The following MCPH1 variants were observed in gnomAD, a reference collection of about 807,000 sequenced individuals.
MCPH1 encodes microcephalin.
A neutral mutation model predicts 84.5 loss-of-function variants in MCPH1; 104 were observed. The observed-to-expected ratio is 1.23, with a 90% CI of 1.05 to 1.45. The LOEUF (loss-of-function observed/expected upper bound fraction) is 1.45, where lower values mean the gene tolerates loss of function less well. Ranked by LOEUF, MCPH1 falls within the 40% of genes most tolerant of loss-of-function variation. MCPH1 has a pLI of 0.00. For synonymous variants in MCPH1, 514 were observed against 366.8 expected, an observed-to-expected ratio of 1.40 and a Z score of -4.58; for missense variants, 1,498 against 1,005.7, an observed-to-expected ratio of 1.49 and a Z score of -6.62.
chr8:6,510,731 A>C (rs1814889515), intron 12 of MCPH1, among the ~76,000 whole-genome samples: 1 of 152,122 alleles, frequency 6.6e-6, no homozygotes, highest in African/African-American at 2.4e-5. Flanking sequence ...ACCTAAACAG[A>C]GATGTTTGTT....
Position 6,447,165 on chromosome 8 carries a change from A to G in MCPH1, c.1825+1618A>G, listed in dbSNP as rs1251892241. On this transcript the variant is annotated intron_variant, in intron 8 of 13. Coordinates refer to ENST00000344683, the MANE Select transcript of MCPH1 (RefSeq NM_024596.5). ...CTACATGTTGGCTAGCCTAAATCGAACCCTTTTATAGTAATAAAGATTCAT... is the reference window on the plus strand; with the variant it reads ...CTACATGTTGGCTAGCCTAAATCGAGCCCTTTTATAGTAATAAAGATTCAT... The G allele has an allele frequency of 3.0e-6, 3 of 985,206 alleles. No individual in the cohort carries two copies. In the East Asian group the frequency reaches 3.4e-4, roughly 112 times the overall value. The allele number at this position is 985,206 out of a possible 1,614,324, so 61.0% of individuals were successfully genotyped here. A position where few individuals can be genotyped will look rare whatever the true frequency, so the allele number is the denominator to read the frequency against.
At position 6,592,942 on chromosome 8, in the gene MCPH1, C is replaced by T. The variant is rs1418280783; in HGVS notation, c.2215-28512C>T. On this transcript the variant is annotated intron_variant, in intron 12 of 13. Coordinates refer to ENST00000344683, the MANE Select transcript of MCPH1 (RefSeq NM_024596.5). Reference sequence around the variant, plus strand: ...TTGTCCTCCCAAAGTGCTGGGATTACAGGCGTGAGCCACCGTGCCAGGCCG... The same window carrying T: ...TTGTCCTCCCAAAGTGCTGGGATTATAGGCGTGAGCCACCGTGCCAGGCCG... Among the ~76,000 whole-genome samples, 7 of 151,108 alleles carry T rather than the reference C, an allele frequency of 4.6e-5. No homozygotes were observed. The East Asian group carries it at 7.9e-4, about 17-fold the overall frequency.
chr8:6,555,816 C>T (rs1486113346), intron 12 of MCPH1, among the ~76,000 whole-genome samples: 2 of 152,160 alleles, frequency 1.3e-5, no homozygotes, highest in African/African-American at 4.8e-5. Flanking sequence ...CCAATTATAC[C>T]AATTGCACCA....
At chr8:6,446,710 T>C in intron 8 of MCPH1, 3 of 985,346 alleles carry the variant, frequency 3.0e-6, no homozygotes, top group Non-Finnish European at 3.6e-6. Flanking sequence ...TCTCCATCTT[T>C]CCAGTTTTCA....
intron 12 of MCPH1, among the ~76,000 whole-genome samples, chr8:6,571,349 A>G (rs755102700): frequency 1.5e-4 from 23 of 152,212 alleles, no homozygotes; most frequent in South Asian, 1.2e-3. Flanking sequence ...GACAAACACC[A>G]TATTTCATTA....
chr8:6,562,768 G>C, intron 12 of MCPH1: 1 of 1,613,930 alleles, frequency 6.2e-7, no homozygotes, highest in Non-Finnish European at 8.5e-7. Context: ...GGGGCTGGAG[G>C]AAGAGCGGCA....
At chr8:6,629,496 A>G (rs1797000289) in intron 13 of MCPH1, among the ~76,000 whole-genome samples, 1 of 152,150 alleles carries the variant, frequency 6.6e-6, no homozygotes, top group Non-Finnish European at 1.5e-5. Flanking sequence ...AAGACAAAGA[A>G]ACACCAAAGA....
intron 4 of MCPH1, among the ~76,000 whole-genome samples, chr8:6,433,800 T>C (rs960600817): frequency 2.6e-5 from 4 of 152,136 alleles, no homozygotes; most frequent in Non-Finnish European, 5.9e-5. Flanking sequence ...TTTCCAAATG[T>C]AATTGCAAAT....
intron 12 of MCPH1, among the ~76,000 whole-genome samples, chr8:6,592,115 C>G (rs746822499): frequency 6.6e-6 from 1 of 152,146 alleles, no homozygotes; most frequent in Non-Finnish European, 1.5e-5. Context: ...GTGTACCCAT[C>G]ACTCAGCATT....
At chr8:6,416,463 T>G (rs1197119845) in intron 3 of MCPH1, among the ~76,000 whole-genome samples, 1 of 152,238 alleles carries the variant, frequency 6.6e-6, no homozygotes, top group Non-Finnish European at 1.5e-5. Context: ...ATGTCCTTTT[T>G]TAGGCTGAGG....
intron 12 of MCPH1, among the ~76,000 whole-genome samples, chr8:6,540,556 G>A (rs1407830309): frequency 6.6e-6 from 1 of 152,212 alleles, no homozygotes; most frequent in African/African-American, 2.4e-5. Flanking sequence ...CAGATTCCTG[G>A]AAGATGAGGA....
At chr8:6,495,084 AT>A (rs1811089687) in intron 11 of MCPH1, among the ~76,000 whole-genome samples, 1 of 151,992 alleles carries the variant, frequency 6.6e-6, no homozygotes, top group African/African-American at 2.4e-5. Flanking sequence ...TTGGCTTGAA[AT>A]TTTGCCAGTT....
At chr8:6,584,531 C>G (rs1451003595) in intron 12 of MCPH1, among the ~76,000 whole-genome samples, 1 of 152,190 alleles carries the variant, frequency 6.6e-6, no homozygotes, top group Admixed American at 6.5e-5. Flanking sequence ...CTATAATAAA[C>G]TTGGTACCAG....
intron 13 of MCPH1, chr8:6,622,370 G>A (rs1311603133): frequency 5.1e-5 from 8 of 156,228 alleles, no homozygotes; most frequent in Admixed American, 1.2e-4. Flanking sequence ...GGTGATCCCC[G>A]GAGAAGAGGG....
intron 3 of MCPH1, among the ~76,000 whole-genome samples, chr8:6,416,779 A>T (rs1799361822): frequency 6.6e-6 from 1 of 151,992 alleles, no homozygotes; most frequent in Non-Finnish European, 1.5e-5. Flanking sequence ...GGATCACCTG[A>T]GATTAGGAGT....
intron 12 of MCPH1, among the ~76,000 whole-genome samples, chr8:6,538,820 C>T (rs17623313): frequency 0.37 from 56,913 of 152,052 alleles, 11,652 homozygotes; most frequent in Middle Eastern, 0.5. Flanking sequence ...ACATATACAC[C>T]CTAGTAACAA....
At chr8:6,628,327 C>T (rs901250574) in intron 13 of MCPH1, among the ~76,000 whole-genome samples, 6 of 151,584 alleles carry the variant, frequency 4.0e-5, no homozygotes, top group African/African-American at 1.2e-4. Context: ...AAAAATTAGC[C>T]GGTCGTGGTG....
At chr8:6,428,771 A>C (rs1276103862) in intron 3 of MCPH1, among the ~76,000 whole-genome samples, 10 of 151,888 alleles carry the variant, frequency 6.6e-5, no homozygotes, top group African/African-American at 1.9e-4. Flanking sequence ...ACACACACAG[A>C]AGAACTAAAT....
rs575272870 is a variant in MCPH1, at chr8:6,621,611, G to A, written c.2372G>A (p.Arg791His). 34 of 1,614,186 alleles carry A rather than the reference G, an allele frequency of 2.1e-5. No individual in the cohort carries two copies. Among genetic ancestry groups the A allele is most frequent in the Middle Eastern group, 3.3e-4 (2 of 6,062 alleles). Reference protein sequence around the residue: ...LCGGRVSQVPRQASIVIGPYS... With the variant: ...LCGGRVSQVPHQASIVIGPYS... ...GGAGGCCGGGTCAGCCAAGTCCCCC[G>A]CCAGGCCAGCATCGTCATCGGGCCC... The change falls in exon 13 of 14, where the codon CGC becomes CAC. Residue 791 changes from arginine (R) to histidine (H), a missense_variant. Transcript: ENST00000344683.
Sources: allele counts gnomAD v4.1 joint callset (sites outside exome capture counted in the v4.1 genomes callset), GRCh38; gene constraint gnomAD v4.1.1; transcripts MANE v1.5; gene names NCBI Gene and HGNC (gene_info 2026-07-23, HGNC 2026-07-21).